The following FAM114A1 variants were observed in gnomAD, a reference collection of about 807,000 sequenced individuals.
FAM114A1 encodes the protein family with sequence similarity 114 member A1, also known as protein NOXP20.
A neutral mutation model predicts 64.3 loss-of-function variants in FAM114A1; 62 were observed. The ratio of observed to expected loss-of-function variants is 0.96; its 90% CI spans 0.79 to 1.19. FAM114A1 has a LOEUF of 1.19. FAM114A1 is among the 50% of genes most tolerant of loss of function. The pLI is 0.00. For synonymous variants in FAM114A1, 254 were observed against 251.1 expected (o/e 1.01, Z -0.11); for missense variants, 645 against 676.3 (o/e 0.95, Z 0.51).
At chr4:38,878,800 G>A (rs1480477613) in intron 3 of FAM114A1, among the ~76,000 whole-genome samples, 3 of 152,130 alleles carry the variant, frequency 2.0e-5, no homozygotes, top group African/African-American at 4.8e-5. Flanking sequence ...TGGGCTACTT[G>A]GTTGTAAATG....
At chr4:38,937,235 G>A (rs557749298) in intron 13 of FAM114A1, among the ~76,000 whole-genome samples, 1 of 152,242 alleles carries the variant, frequency 6.6e-6, no homozygotes, top group Middle Eastern at 3.4e-3. Flanking sequence ...TTATTTTCTC[G>A]TGGTTCTGGA....
chr4:38,884,670 G>A (rs1483716881), intron 3 of FAM114A1, among the ~76,000 whole-genome samples: 2 of 152,220 alleles, frequency 1.3e-5, no homozygotes, highest in African/African-American at 4.8e-5. Context: ...TAATTAACAA[G>A]AGAGTTGAAA....
intron 13 of FAM114A1, among the ~76,000 whole-genome samples, chr4:38,937,523 T>C (rs1015826366): frequency 6.6e-6 from 1 of 152,132 alleles, no homozygotes; most frequent in Non-Finnish European, 1.5e-5. Flanking sequence ...TCCTAACTTA[T>C]CACACCAGCA....
rs548513553 is a variant in FAM114A1 at position 38,876,309 on chromosome 4, A to G, written c.-8-1762A>G. ...CTCAGCCTCCTAAGTAGCTGGGACT[A>G]CAGGTGCATGCCACCATGCCCAGCT... is the stretch of plus-strand genomic sequence containing the variant. On this transcript the variant is annotated intron_variant, in intron 2 of 14. Transcript: ENST00000358869. Among the ~76,000 whole-genome samples the G allele has an allele frequency of 4.0e-5, 6 of 151,778 alleles. No homozygotes were observed. In the South Asian group the frequency reaches 8.3e-4, roughly 21 times the overall value.
rs1388452039 is a variant in FAM114A1 at position 38,943,460 on chromosome 4, G to A, written c.1595G>A (p.Cys532Tyr). The change falls in exon 15 of 15, where the codon TGC (cysteine) becomes TAC (tyrosine). Residue 532 changes from cysteine to tyrosine, a missense_variant. By Grantham distance (194) the Cys-to-Tyr change is radical (BLOSUM62 -2). Transcript: ENST00000358869. ...CTCATTTTTCTCCTCTCACAGGGCT[G>A]CAACAGTACAACGTACATACAGGAT... ...PMISSVLLEG[C>Y]NSTTYIQDAF... The A allele has an allele frequency of 2.5e-6, 4 of 1,613,920 alleles. No homozygotes were observed. In the South Asian group the frequency reaches 4.4e-5, roughly 18 times the overall value.
chr4:38,874,347 G>C (rs1417464126), intron 2 of FAM114A1, among the ~76,000 whole-genome samples: 1 of 152,144 alleles, frequency 6.6e-6, no homozygotes, highest in Admixed American at 6.5e-5. Flanking sequence ...TGACAGCTCT[G>C]AGTTATTGGG....
chr4:38,911,448 G>A (rs1718519966), intron 7 of FAM114A1, among the ~76,000 whole-genome samples: 1 of 152,222 alleles, frequency 6.6e-6, no homozygotes, highest in South Asian at 2.1e-4. Context: ...GAGTAGGAGG[G>A]AGGTCTGCAG....
At chr4:38,899,065 A>G (rs1359986517) in intron 4 of FAM114A1, among the ~76,000 whole-genome samples, 1 of 150,358 alleles carries the variant, frequency 6.7e-6, no homozygotes, top group African/African-American at 2.4e-5. Context: ...ATCTCCATTC[A>G]GTGGAATACT....
intron 10 of FAM114A1, among the ~76,000 whole-genome samples, chr4:38,931,114 G>A (rs1415656589): frequency 2.0e-5 from 3 of 151,992 alleles, no homozygotes; most frequent in Non-Finnish European, 4.4e-5. Context: ...TTTTATAGAT[G>A]GTCATGAAAA....
chr4:38,935,696 T>G lies in FAM114A1; in HGVS notation c.1464-22T>G, dbSNP rs764460793. 1.9e-5 allele frequency: 9 copies of G among 472,898 alleles called. No individual in the cohort carries two copies. In the African/African-American group the frequency reaches 2.0e-4, roughly 10 times the overall value. The allele number at this position is 472,898 out of a possible 1,614,324, so 29.3% of individuals were successfully genotyped here. On this transcript the variant is annotated intron_variant, in intron 12 of 14. Coordinates refer to ENST00000358869, the MANE Select transcript of FAM114A1 (RefSeq NM_138389.4). ...TTTACCTTATTGAAAACATCCAAGC[T>G]TTTTTTTTTTTCTTCTTTCAGATTA...
chr4:38,897,757 T>C (rs1022759625), intron 4 of FAM114A1, among the ~76,000 whole-genome samples: 2 of 151,518 alleles, frequency 1.3e-5, no homozygotes, highest in African/African-American at 4.8e-5. Flanking sequence ...CTGGCCAACA[T>C]GGCAAAACCC....
chr4:38,869,835 A>G (rs572921198), intron 2 of FAM114A1, among the ~76,000 whole-genome samples: 34 of 152,168 alleles, frequency 2.2e-4, no homozygotes, highest in Middle Eastern at 3.4e-3. Flanking sequence ...TCACTATTTC[A>G]TAAAATGAAA....
chr4:38,937,313 T>G (rs1469138781), intron 13 of FAM114A1, among the ~76,000 whole-genome samples: 1 of 152,220 alleles, frequency 6.6e-6, no homozygotes, highest in Non-Finnish European at 1.5e-5. Context: ...GATTCTTTCT[T>G]GCTTCTTCCA....
intron 3 of FAM114A1, among the ~76,000 whole-genome samples, chr4:38,879,643 A>G (rs907778798): frequency 1.0e-4 from 14 of 134,284 alleles, no homozygotes; most frequent in Middle Eastern, 3.6e-3. Flanking sequence ...GTTTAAACAA[A>G]AGCTGAACAG....
At position 38,878,301 on chromosome 4, in the gene FAM114A1, G is replaced by A. The variant is rs1177667093; in HGVS notation, c.223G>A (p.Ala75Thr). 2 of 1,614,236 alleles carry A rather than the reference G, an allele frequency of 1.2e-6. No individual in the cohort carries two copies. The highest frequency in any genetic ancestry group is 1.7e-5 in the Admixed American group (1 of 60,020). The stretch of plus-strand genomic sequence containing the variant: ...TGGGCCCCCTGTGCAGCCTCAGGAT[G>A]CCAACGCCCTGGAGCCCCCTCTCAA... ...AIGPPVQPQDANALEPPLNGD... is the reference protein window; with the variant it reads ...AIGPPVQPQDTNALEPPLNGD... The change falls in exon 3 of 15, where the codon GCC (alanine) becomes ACC (threonine). Residue 75 changes from alanine (A) to threonine (T), a missense_variant. Transcript: ENST00000358869.
chr4:38,893,604 T>C (rs1204558313), intron 4 of FAM114A1, among the ~76,000 whole-genome samples: 1 of 152,238 alleles, frequency 6.6e-6, no homozygotes, highest in African/African-American at 2.4e-5. Context: ...CTAGCCCTGG[T>C]TGGTCAGACC....
At chr4:38,881,891 G>T (rs971962005) in intron 3 of FAM114A1, among the ~76,000 whole-genome samples, 2 of 152,192 alleles carry the variant, frequency 1.3e-5, no homozygotes, top group African/African-American at 4.8e-5. Context: ...TTACAAGGTG[G>T]TTGTTTGGAT....
intron 2 of FAM114A1, among the ~76,000 whole-genome samples, chr4:38,876,162 C>CTTTTTTTTTTTTT (rs1310747810): frequency 1.0e-5 from 1 of 99,268 alleles, no homozygotes; most frequent in Non-Finnish European, 1.8e-5. Context: ...TAGACTTATT[C>CTTTTTTTTTTTTT]TTTTTTCTTT....
In FAM114A1 at chr4:38,868,472, G is replaced by A. The variant is rs986233143; in HGVS notation, c.-83G>A. On this transcript the variant is annotated 5_prime_UTR_variant, in exon 2 of 15. Coordinates refer to ENST00000358869, the MANE Select transcript of FAM114A1 (RefSeq NM_138389.4). ...GCACCGCCTCCACTCGCAGCCCCCG[G>A]GATGGGTCCCACTCCCTACCGCAGA... The A allele has an allele frequency of 9.8e-5, 15 of 152,698 alleles. No individual in the cohort carries two copies. Among genetic ancestry groups the A allele is most frequent in the African/African-American group, 2.9e-4 (12 of 41,442 alleles). 9.5% of individuals were successfully genotyped at this position (152,698 alleles called of 1,614,324 possible).
Sources: allele counts gnomAD v4.1 joint callset (sites outside exome capture counted in the v4.1 genomes callset), GRCh38; gene constraint gnomAD v4.1.1; transcripts MANE v1.5; gene names NCBI Gene and HGNC (gene_info 2026-07-23, HGNC 2026-07-21).